The following TTC19 variants were observed in gnomAD, a reference collection of about 807,000 sequenced individuals.
TTC19 encodes the protein tetratricopeptide repeat protein 19, mitochondrial.
A neutral mutation model predicts 49.5 loss-of-function variants in TTC19; 38 were observed. The observed-to-expected ratio is 0.77, with a 90% confidence interval of 0.59 to 1.01. TTC19 has a LOEUF of 1.01. TTC19 is among the 50% of genes least tolerant of loss of function. The probability of loss-of-function intolerance (pLI) is 0.00; values close to 1 mark genes in which losing one functional copy is unlikely to be tolerated. For missense variants in TTC19, 475 were observed against 477.7 expected (o/e 0.99, Z 0.05); for synonymous variants, 204 against 185.2 (o/e 1.10, Z -0.83).
At chr17:16,034,735 T>C in intron 2 of TTC19, 1 of 1,567,046 alleles carries the variant, frequency 6.4e-7, no homozygotes, top group Non-Finnish European at 8.7e-7. Context: ...TTGCTCTGTC[T>C]CATTTTCTAA....
chr17:16,013,238 A>G (rs529872082), intron 7 of TTC19, among the ~76,000 whole-genome samples: 9 of 152,302 alleles, frequency 5.9e-5, no homozygotes, highest in South Asian at 4.1e-4. Flanking sequence ...CATAATATGT[A>G]TTCATTTTAG....
intron 2 of TTC19, chr17:16,041,232 T>C (rs924931939): frequency 6.6e-6 from 1 of 152,100 alleles, no homozygotes; most frequent in Non-Finnish European, 1.5e-5. Context: ...GATAACAGCA[T>C]AAGACCTGGG....
intron 2 of TTC19, chr17:16,039,302 G>A (rs747496023): frequency 8.2e-6 from 7 of 858,418 alleles, no homozygotes; most frequent in African/African-American, 1.7e-5. Context: ...TTTAAGTAAC[G>A]GAAACCCTAA....
downstream of TTC19, chr17:16,032,525 CTG>C: frequency 6.6e-7 from 1 of 1,520,658 alleles, no homozygotes; most frequent in Non-Finnish European, 8.8e-7. Context: ...ATGAACATAA[CTG>C]GTATTTCATC....
chr17:16,002,977 T>C, intron 4 of TTC19, 146 bp downstream of exon 4: 1 of 826,414 alleles, frequency 1.2e-6, no homozygotes, highest in Middle Eastern at 3.2e-4. Context: ...TTTCTCTTTA[T>C]TGTGTTAGTC....
At position 16,038,955 on chromosome 17, in the gene TTC19, G is replaced by T. The variant is rs139061459; in HGVS notation, c.248-5548G>T. 1.9e-4 allele frequency among the ~76,000 whole-genome samples: 29 copies of T among 152,240 alleles called. 2 individuals are homozygous for T. Among genetic ancestry groups the T allele is most frequent in the African/African-American group, 7.0e-4 (29 of 41,548 alleles). On this transcript the variant is annotated intron_variant, in intron 2 of 2. Transcript: ENST00000470649. ...CCAGCTAATTTTTGTATTTTTAGTA[G>T]AGATGGGGTTTCACCATGTTGGCCA...
chr17:16,015,514 A>C (rs1463539797), intron 7 of TTC19, among the ~76,000 whole-genome samples: 1 of 152,134 alleles, frequency 6.6e-6, no homozygotes, highest in African/African-American at 2.4e-5. Flanking sequence ...TAAATTAGTA[A>C]AAAGATGTTT....
chr17:16,034,637 T>TA, intron 2 of TTC19: 2 of 849,858 alleles, frequency 2.4e-6, no homozygotes, highest in Non-Finnish European at 3.7e-6. Flanking sequence ...AAGTGGAACA[T>TA]ATTAATGATA....
intron 7 of TTC19, among the ~76,000 whole-genome samples, chr17:16,015,072 ATTATG>A (rs1396426846): frequency 1.3e-5 from 2 of 152,146 alleles, no homozygotes; most frequent in Non-Finnish European, 2.9e-5. Context: ...TGTTTGTACT[ATTATG>A]TTTGTATTAT....
intron 7 of TTC19, 78 bp from the exon 8 acceptor site, chr17:16,024,939 G>T: frequency 7.6e-7 from 1 of 1,312,404 alleles, no homozygotes; most frequent in Non-Finnish European, 1.1e-6. Context: ...TGACATGTGG[G>T]TCCCATTCTG....
At chr17:16,039,872 C>A (rs2057228710) in intron 2 of TTC19, 2 of 486,208 alleles carry the variant, frequency 4.1e-6, no homozygotes, top group East Asian at 7.9e-5. Context: ...CTCACTGCAA[C>A]CTCCGCCTCC....
intron 6 of TTC19, 91 bp from the exon 7 acceptor site, chr17:16,006,383 C>T (rs1248689749): frequency 2.1e-6 from 2 of 957,112 alleles, no homozygotes; most frequent in East Asian, 4.8e-5. Context: ...GCACTCCAGC[C>T]TGGGCAACAA....
intron 7 of TTC19, among the ~76,000 whole-genome samples, chr17:16,016,882 C>T (rs143787366): frequency 0.012 from 1,821 of 151,330 alleles, 42 homozygotes; most frequent in African/African-American, 0.041. Context: ...TTAGTAGAGA[C>T]GAGGTTTCAC....
At chr17:16,041,780 A>G (rs1167710666) in intron 2 of TTC19, among the ~76,000 whole-genome samples, 1 of 151,818 alleles carries the variant, frequency 6.6e-6, no homozygotes, top group Non-Finnish European at 1.5e-5. Flanking sequence ...TCTGCCGCCC[A>G]GGCTGGAGTG....
At chr17:16,042,414 T>A (rs1275770429) in intron 2 of TTC19, among the ~76,000 whole-genome samples, 1 of 152,156 alleles carries the variant, frequency 6.6e-6, no homozygotes, top group East Asian at 1.9e-4. Context: ...CCAATGATAA[T>A]CCTTAGATAC....
At chr17:16,044,854 A>G (rs2152148609) in exon 3 of TTC19, 2 of 882,736 alleles carry the variant, frequency 2.3e-6, no homozygotes, top group East Asian at 5.0e-5. Flanking sequence ...CACCAGTGGG[A>G]TCCTGCCCAC....
chr17:16,025,042 C>G lies in TTC19; in HGVS notation c.702C>G (p.Leu234=). The G allele has an allele frequency of 1.9e-6, 3 of 1,613,954 alleles. No homozygotes were observed. Among genetic ancestry groups the G allele is most frequent in the Non-Finnish European group, 2.5e-6 (3 of 1,179,850 alleles). ...TGGAAGAGAAAGCCAATACCCACCT[C>G]CTCTTGGGCATGTGCTTAGACGCCT... is the stretch of plus-strand genomic sequence containing the variant. ...MSVEEKANTH[L]LLGMCLDACA... The change falls in exon 8 of 10, where the codon CTC becomes CTG. Residue 234 remains leucine (L), a synonymous_variant. Transcript: ENST00000261647.
intron 9 of TTC19, 142 bp downstream of exon 9, chr17:16,026,844 G>A: frequency 1.1e-6 from 1 of 896,152 alleles, no homozygotes; most frequent in Non-Finnish European, 1.8e-6. Flanking sequence ...GGCAGAAAAA[G>A]GAGGTATTGA....
chr17:16,000,410 C>T, intron 2 of TTC19, 165 bp downstream of exon 2: 1 of 1,477,346 alleles, frequency 6.8e-7, no homozygotes, highest in Middle Eastern at 2.4e-4. Flanking sequence ...GGATTGGAAT[C>T]CATCCAGGCT....
Sources: allele counts gnomAD v4.1 joint callset (sites outside exome capture counted in the v4.1 genomes callset), GRCh38; gene constraint gnomAD v4.1.1; transcripts MANE v1.5; gene names NCBI Gene and HGNC (gene_info 2026-07-23, HGNC 2026-07-21).